CAPN9: variants seen among roughly 807,000 people sequenced by gnomAD.
The protein encoded by CAPN9 is calpain 9.
In CAPN9, 81 loss-of-function variants were observed where a neutral mutation model predicts 92.8. The observed-to-expected ratio is 0.87, with a 90% CI of 0.73 to 1.05. The LOEUF (loss-of-function observed/expected upper bound fraction) is 1.05, where lower values mean the gene tolerates loss of function less well. Ranked by LOEUF, CAPN9 falls within the 50% of genes least tolerant of loss-of-function variation. The pLI, the probability that CAPN9 is intolerant of heterozygous loss-of-function variation, is 0.00. For synonymous variants in CAPN9, 304 were observed against 328.0 expected, an observed-to-expected ratio of 0.93 and a Z score of 0.79; for missense variants, 848 against 866.2, an observed-to-expected ratio of 0.98 and a Z score of 0.26.
chr1:230,767,979 G>A (rs1008696747), intron 5 of CAPN9, among the ~76,000 whole-genome samples: 13 of 149,960 alleles, frequency 8.7e-5, no homozygotes, highest in Admixed American at 4.7e-4. Flanking sequence ...AAACCTGCAC[G>A]TTGTGCACAT....
chr1:230,795,108 C>G (rs200839544), intron 17 of CAPN9, 55 bp from the exon 18 acceptor site: 152 of 1,129,668 alleles, frequency 1.3e-4, no homozygotes, highest in Middle Eastern at 2.8e-4. Flanking sequence ...AAGGTGCAGA[C>G]TCACCTCGGG....
Position 230,767,540 on chromosome 1 carries a change from G to A in CAPN9, c.537-1G>A. 2 of 1,607,988 alleles carry A rather than the reference G, an allele frequency of 1.2e-6. No homozygotes were observed. The highest frequency in any genetic ancestry group is 1.7e-6 in the Non-Finnish European group (2 of 1,177,448). On this transcript the variant is annotated splice_acceptor_variant, in intron 4 of 19. Transcript: ENST00000271971. LOFTEE classifies it high-confidence loss of function. ...TCCTCTCTCTCTTGCCACCCTTGCA[G>A]GCTAAATGGGAGCTATGAAGCTCTG... is the stretch of plus-strand genomic sequence containing the variant.
chr1:230,795,435 C>T (rs35672905), intron 18 of CAPN9, 156 bp downstream of exon 18: 2 of 579,482 alleles, frequency 3.5e-6, no homozygotes, highest in Non-Finnish European at 6.2e-6. Context: ...GTGCGGTTAG[C>T]TAAGGAGCAG....
In CAPN9 at chr1:230,786,036, C is replaced by T; in HGVS notation, c.1518+19C>T. 6.2e-7 allele frequency: 1 copy of T among 1,612,846 alleles called. No homozygotes were observed. Among genetic ancestry groups the T allele is most frequent in the Non-Finnish European group, 8.5e-7 (1 of 1,178,858 alleles). On this transcript the variant is annotated intron_variant, in intron 12 of 19. Transcript: ENST00000271971. ...TCCTGAGGTGAGTCTTCTGATGTTGCTATGGAGTATGGGATTCAGGTGATG... is the reference window on the plus strand; with the variant it reads ...TCCTGAGGTGAGTCTTCTGATGTTGTTATGGAGTATGGGATTCAGGTGATG...
chr1:230,792,930 TAAAGA>T lies in CAPN9; in HGVS notation c.1870+8_1870+12del. On this transcript the variant is annotated splice_donor_5th_base_variant and intron_variant, in intron 17 of 19. Transcript: ENST00000271971. ...TACGGACTGCACTGAAAGCTGCAGG[TAAAGA>T]AAAGACTGGAGTACAGGTGGCTGAC... 1 of 1,611,004 alleles carries T rather than the reference TAAAGA, an allele frequency of 6.2e-7. No homozygotes were observed. The highest frequency in any genetic ancestry group is 1.3e-5 in the African/African-American group (1 of 74,932).
chr1:230,759,995 G>GAAGAATTGTATGGAAGAATC, intron 3 of CAPN9, among the ~76,000 whole-genome samples: 1 of 152,282 alleles, frequency 6.6e-6, no homozygotes, highest in Admixed American at 6.5e-5. Context: ...AAACAGAGAG[G>GAAGAATTGTATGGAAGAATC]TTCTCTTTAT....
chr1:230,781,646 C>A (rs541132679), intron 11 of CAPN9, among the ~76,000 whole-genome samples: 2 of 152,130 alleles, frequency 1.3e-5, no homozygotes. Context: ...TTTCTTTTCC[C>A]GATGACAATA....
chr1:230,776,159 A>G (rs7534662), intron 8 of CAPN9: 66,421 of 151,826 alleles, frequency 0.44, 15,417 homozygotes, highest in South Asian at 0.61. Context: ...GGCAGTACCT[A>G]TATCTGTGGA....
At chr1:230,752,917 A>T (rs1052337980) in intron 1 of CAPN9, among the ~76,000 whole-genome samples, 1 of 152,148 alleles carries the variant, frequency 6.6e-6, no homozygotes, top group Non-Finnish European at 1.5e-5. Context: ...CCTGAACCCT[A>T]CTGCTGAGCG....
chr1:230,747,459 C>A lies in CAPN9; in HGVS notation c.-38C>A. 6.4e-7 allele frequency: 1 copy of A among 1,555,070 alleles called. No homozygotes were observed. Among genetic ancestry groups the A allele is most frequent in the Non-Finnish European group, 8.9e-7 (1 of 1,127,084 alleles). On this transcript the variant is annotated 5_prime_UTR_variant, in exon 1 of 20. Transcript: ENST00000271971. ...CTCGCTTCTTCACTTTCTTTTCCAT[C>A]CACTGCCGGACCCAAGCCAGCCTTC...
chr1:230,793,008 T>G, intron 17 of CAPN9, 80 bp downstream of exon 17: 1 of 1,057,394 alleles, frequency 9.5e-7, no homozygotes, highest in Non-Finnish European at 1.5e-6. Flanking sequence ...TGGCAGGTCT[T>G]CTCTCTGCTG....
At chr1:230,778,937 C>T in intron 8 of CAPN9, 36 bp from the exon 9 acceptor site, 1 of 1,580,924 alleles carries the variant, frequency 6.3e-7, no homozygotes, top group Non-Finnish European at 8.7e-7. Context: ...CTCACTCTTG[C>T]CCTCCTGTGC....
At chr1:230,769,410 C>A (rs373517366) in intron 6 of CAPN9, 147 bp downstream of exon 6, 2 of 608,652 alleles carry the variant, frequency 3.3e-6, no homozygotes, top group South Asian at 2.5e-5. Flanking sequence ...GGCTGGAATT[C>A]AAAACGGCAA....
chr1:230,779,427 T>C (rs1667057187), intron 9 of CAPN9, among the ~76,000 whole-genome samples: 1 of 152,114 alleles, frequency 6.6e-6, no homozygotes, highest in African/African-American at 2.4e-5. Context: ...AGAGGAAAAG[T>C]AGGGTGGGCT....
chr1:230,791,420 A>G (rs980947256), intron 14 of CAPN9, among the ~76,000 whole-genome samples: 1 of 152,226 alleles, frequency 6.6e-6, no homozygotes, highest in African/African-American at 2.4e-5. Flanking sequence ...GTATGGGAGT[A>G]CAAATTTCTC....
chr1:230,767,009 A>T (rs1332222810), intron 4 of CAPN9, among the ~76,000 whole-genome samples: 1 of 152,212 alleles, frequency 6.6e-6, no homozygotes, highest in Non-Finnish European at 1.5e-5. Flanking sequence ...CAAGCAGAGC[A>T]CATATATGTA....
In CAPN9 at chr1:230,790,220, C is replaced by T. The variant is rs767817288; in HGVS notation, c.1657+31C>T. 5 of 1,613,028 alleles carry T rather than the reference C, an allele frequency of 3.1e-6. No homozygotes were observed. In the Admixed American group the frequency reaches 6.7e-5, roughly 22 times the overall value. ...TGCCAACCCCATCGGGGTCCTGGGG[C>T]ACCTATGGAGGGACAAGCGACCACA... On this transcript the variant is annotated intron_variant, in intron 14 of 19. Transcript: ENST00000271971.
chr1:230,751,609 G>GA (rs1443186653), intron 1 of CAPN9, among the ~76,000 whole-genome samples: 1 of 31,862 alleles, frequency 3.1e-5, no homozygotes, highest in African/African-American at 1.5e-4. Flanking sequence ...AAGAAAGAAA[G>GA]AGAAAGAAAG....
chr1:230,793,708 A>T (rs1473371646), intron 17 of CAPN9, among the ~76,000 whole-genome samples: 1 of 152,238 alleles, frequency 6.6e-6, no homozygotes, highest in South Asian at 2.1e-4. Context: ...CAGGCCTGAT[A>T]AAAGGATGAA....
Sources: allele counts gnomAD v4.1 joint callset (sites outside exome capture counted in the v4.1 genomes callset), GRCh38; gene constraint gnomAD v4.1.1; transcripts MANE v1.5; gene names NCBI Gene and HGNC (gene_info 2026-07-23, HGNC 2026-07-21).